PKIG: variants seen among roughly 807,000 people sequenced by gnomAD.
The protein encoded by PKIG is protein kinase (cAMP-dependent, catalytic) inhibitor gamma.
A neutral mutation model predicts 6.8 loss-of-function variants in PKIG; 1 was observed. The ratio of observed to expected loss-of-function variants is 0.15; its 90% CI spans 0.05 to 0.69. PKIG has a LOEUF of 0.69. PKIG is among the 30% of genes least tolerant of loss of function. The pLI, the probability that PKIG is intolerant of heterozygous loss-of-function variation, is 0.82. For synonymous variants in PKIG, 39 were observed against 43.0 expected (o/e 0.91, Z 0.36); for missense variants, 77 against 104.0 (o/e 0.74, Z 1.13).
At chr20:44,534,085 G>T (rs137914402) in intron 1 of PKIG, among the ~76,000 whole-genome samples, 3 of 152,150 alleles carry the variant, frequency 2.0e-5, no homozygotes, top group Non-Finnish European at 4.4e-5. Context: ...GGCTGCGAAG[G>T]GAGGTAGAGA....
intron 1 of PKIG, among the ~76,000 whole-genome samples, chr20:44,571,936 AATC>A (rs2064857378): frequency 6.6e-6 from 1 of 152,118 alleles, no homozygotes; most frequent in African/African-American, 2.4e-5. Flanking sequence ...GAAAGCCTTT[AATC>A]ATCGTAGAAA....
intron 1 of PKIG, among the ~76,000 whole-genome samples, chr20:44,588,357 G>T (rs1600877213): frequency 6.6e-6 from 1 of 152,290 alleles, no homozygotes; most frequent in Non-Finnish European, 1.5e-5. Context: ...AAACTGAGAA[G>T]AGGGCTGGGC....
At chr20:44,612,890 G>A (rs1003095389) in intron 2 of PKIG, among the ~76,000 whole-genome samples, 1 of 152,164 alleles carries the variant, frequency 6.6e-6, no homozygotes, top group Non-Finnish European at 1.5e-5. Flanking sequence ...AAACAGGGAA[G>A]TACCTCTGTG....
intron 1 of PKIG, among the ~76,000 whole-genome samples, chr20:44,558,615 T>TTTCA (rs71195550): frequency 7.3e-5 from 6 of 82,642 alleles, no homozygotes; most frequent in Non-Finnish European, 1.1e-4. Flanking sequence ...TCTTTCTTTC[T>TTTCA]CATTCTTTCT....
At chr20:44,554,309 C>T (rs752687298) in intron 1 of PKIG, among the ~76,000 whole-genome samples, 2 of 152,044 alleles carry the variant, frequency 1.3e-5, no homozygotes, top group East Asian at 1.9e-4. Flanking sequence ...TCTCGAACTC[C>T]GGCCTCAAGT....
chr20:44,607,093 T>C (rs1031464997), intron 2 of PKIG, among the ~76,000 whole-genome samples: 2 of 152,148 alleles, frequency 1.3e-5, no homozygotes, highest in African/African-American at 4.8e-5. Context: ...CCTGTTATAA[T>C]AAAAAAGTCA....
In PKIG at chr20:44,603,847, C is replaced by A. The variant is rs6130645; in HGVS notation, c.-23-10687C>A. On this transcript the variant is annotated intron_variant, in intron 2 of 3. Transcript: ENST00000372886. ...CTCAGGAGAGAAAAGACTGTAGACC[C>A]ATGTGTTAGGGCATATTAGTAATCA... Among the ~76,000 whole-genome samples the A allele has an allele frequency of 6.1e-3, 929 of 152,302 alleles. 62 individuals carry two copies. The East Asian group carries it at 0.14, about 22-fold the overall frequency.
intron 1 of PKIG, among the ~76,000 whole-genome samples, chr20:44,587,952 C>T (rs2065003917): frequency 6.6e-6 from 1 of 152,118 alleles, no homozygotes; most frequent in Non-Finnish European, 1.5e-5. Flanking sequence ...ATGTGTTAGG[C>T]ATTATGCAAG....
chr20:44,605,815 G>C (rs1270272762), intron 2 of PKIG, among the ~76,000 whole-genome samples: 1 of 152,092 alleles, frequency 6.6e-6, no homozygotes, highest in Non-Finnish European at 1.5e-5. Context: ...AGGAAGCTAA[G>C]CTAGGAGGAT....
intron 2 of PKIG, among the ~76,000 whole-genome samples, chr20:44,593,566 A>T (rs559271185): frequency 6.6e-6 from 1 of 152,278 alleles, no homozygotes; most frequent in South Asian, 2.1e-4. Flanking sequence ...TTGAACTAAG[A>T]GAGAGTAGAA....
At chr20:44,611,928 C>T (rs929678826) in intron 2 of PKIG, among the ~76,000 whole-genome samples, 2 of 151,926 alleles carry the variant, frequency 1.3e-5, no homozygotes, top group South Asian at 4.1e-4. Context: ...CAGGTTTATC[C>T]GTTTTGTCCC....
chr20:44,542,371 C>G (rs150620242), intron 1 of PKIG, among the ~76,000 whole-genome samples: 147 of 151,930 alleles, frequency 9.7e-4, no homozygotes, highest in African/African-American at 3.5e-3. Flanking sequence ...TTTTGCAAAC[C>G]TACCTACTCC....
At chr20:44,616,416 G>A (rs1375873712) in intron 3 of PKIG, among the ~76,000 whole-genome samples, 1 of 152,170 alleles carries the variant, frequency 6.6e-6, no homozygotes, top group African/African-American at 2.4e-5. Context: ...TGACCAGCAT[G>A]TCCAGCTGCC....
chr20:44,561,346 AAGTC>A (rs1163081198), intron 1 of PKIG, among the ~76,000 whole-genome samples: 1 of 152,204 alleles, frequency 6.6e-6, no homozygotes, highest in African/African-American at 2.4e-5. Flanking sequence ...CAAAAAAAAA[AAGTC>A]AGTAAGTAGA....
chr20:44,535,776 C>T (rs2064507358), intron 1 of PKIG, among the ~76,000 whole-genome samples: 1 of 152,136 alleles, frequency 6.6e-6, no homozygotes, highest in African/African-American at 2.4e-5. Context: ...ATAAAAATGT[C>T]TGGAAATACT....
At position 44,614,782 on chromosome 20, in the gene PKIG, C is replaced by G. The variant is rs1420141669; in HGVS notation, c.151+75C>G. On this transcript the variant is annotated intron_variant, in intron 3 of 3. Transcript: ENST00000372886. The surrounding 1 kb of genome is among the most constrained non-coding windows in gnomAD (Gnocchi z 4.6). ...CGGGCCCCGGGCTAGCCTCCAAGTC[C>G]TAGACTGCCCATACTTTCTTAGAGA... 2.7e-6 allele frequency: 4 copies of G among 1,462,122 alleles called. No individual in the cohort carries two copies. In the East Asian group the frequency reaches 9.2e-5, roughly 33 times the overall value. 90.6% of individuals were successfully genotyped at this position (1,462,122 alleles called of 1,614,324 possible).
intron 2 of PKIG, among the ~76,000 whole-genome samples, chr20:44,603,085 T>C (rs780947558): frequency 1.4e-4 from 22 of 152,208 alleles, no homozygotes; most frequent in Non-Finnish European, 2.4e-4. Context: ...GCTTCAAGTA[T>C]GTGCAGGGCC....
intron 1 of PKIG, chr20:44,564,352 T>C (rs2064792695): frequency 6.6e-6 from 1 of 152,188 alleles, no homozygotes; most frequent in South Asian, 2.1e-4. Context: ...TGGGAAAAAT[T>C]GTTTTAAACT....
At chr20:44,584,891 T>C (rs999201220) in intron 1 of PKIG, among the ~76,000 whole-genome samples, 8 of 151,936 alleles carry the variant, frequency 5.3e-5, no homozygotes, top group African/African-American at 1.9e-4. Flanking sequence ...GCCCAGCTAA[T>C]TTTTGTATTT....
Sources: gnomAD v4.1 joint callset for allele counts (sites outside exome capture counted in the v4.1 genomes callset) on GRCh38, gnomAD v4.1.1 for gene constraint, Gnocchi (gnomAD v3.1) non-coding constraint, MANE v1.5 for transcripts, NCBI Gene and HGNC (gene_info 2026-07-23, HGNC 2026-07-21) for gene names.